The following ARHGAP15 variants were observed in gnomAD, a reference collection of about 807,000 sequenced individuals.
The protein encoded by ARHGAP15 is rho GTPase-activating protein 15.
ARHGAP15 carries 51 observed loss-of-function variants against 63.7 expected under a neutral mutation model. The observed-to-expected ratio is 0.80, with a 90% CI of 0.64 to 1.01. The LOEUF is 1.01. Ranked by LOEUF, ARHGAP15 falls within the 50% of genes least tolerant of loss-of-function variation. The pLI, the probability that ARHGAP15 is intolerant of heterozygous loss-of-function variation, is 0.00. For missense variants in ARHGAP15, 560 were observed against 564.6 expected (o/e 0.99, Z 0.08); for synonymous variants, 191 against 193.8 (o/e 0.99, Z 0.12).
intron 6 of ARHGAP15, among the ~76,000 whole-genome samples, chr2:143,361,706 C>T (rs902144682): frequency 6.6e-6 from 1 of 152,130 alleles, no homozygotes; most frequent in African/African-American, 2.4e-5. Context: ...TCTGCTTCCT[C>T]TTCTTTAGTT....
chr2:143,651,284 A>C (rs1311208021), intron 12 of ARHGAP15, among the ~76,000 whole-genome samples: 5 of 151,908 alleles, frequency 3.3e-5, no homozygotes, highest in African/African-American at 1.2e-4. Flanking sequence ...ACGCCCTTTC[A>C]TAATTTCCTT....
At chr2:143,308,801 C>T (rs550433574) in intron 6 of ARHGAP15, among the ~76,000 whole-genome samples, 2 of 151,748 alleles carry the variant, frequency 1.3e-5, no homozygotes, top group Non-Finnish European at 2.9e-5. Flanking sequence ...TACTTAAATA[C>T]TTTATTTACA....
At chr2:143,134,045 A>G (rs1473867370) in intron 1 of ARHGAP15, among the ~76,000 whole-genome samples, 1 of 152,180 alleles carries the variant, frequency 6.6e-6, no homozygotes, top group Non-Finnish European at 1.5e-5. Flanking sequence ...AAAAAGAGTG[A>G]TGGATGTTTT....
At chr2:143,277,240 A>G (rs1681605156) in intron 6 of ARHGAP15, among the ~76,000 whole-genome samples, 1 of 151,884 alleles carries the variant, frequency 6.6e-6, no homozygotes, top group Non-Finnish European at 1.5e-5. Context: ...TTTATTTTTC[A>G]TTTGTTGCAC....
At chr2:143,262,535 ATTTT>A (rs67267617) in intron 6 of ARHGAP15, among the ~76,000 whole-genome samples, 6 of 90,916 alleles carry the variant, frequency 6.6e-5, no homozygotes, top group South Asian at 4.5e-4. Context: ...TGAACCTTTG[ATTTT>A]TTTTTTTTTT....
rs532832967 is a variant in ARHGAP15, at chr2:143,738,075, C to T, written c.1245-29914C>T. 6.9e-4 allele frequency among the ~76,000 whole-genome samples: 104 copies of T among 151,056 alleles called. 1 individual carries two copies. Among genetic ancestry groups the T allele is most frequent in the Non-Finnish European group, 1.3e-3 (91 of 68,014 alleles). ...ATCCTCAGAATCAGAGCACCACAAA[C>T]CTGAGAAGCATCGGCAGCATATATA... On this transcript the variant is annotated intron_variant, in intron 13 of 13. Transcript: ENST00000295095.
chr2:143,435,445 A>T, intron 6 of ARHGAP15, 156 bp from the exon 7 acceptor site: 1 of 1,250,370 alleles, frequency 8.0e-7, no homozygotes, highest in South Asian at 1.9e-5. Flanking sequence ...GCGGTTCAAA[A>T]TGCTCCCAGT....
At chr2:143,161,607 T>G (rs1229981977) in intron 2 of ARHGAP15, among the ~76,000 whole-genome samples, 1 of 151,944 alleles carries the variant, frequency 6.6e-6, no homozygotes, top group African/African-American at 2.4e-5. Flanking sequence ...TTCTCAAGAC[T>G]GACAGATCAG....
intron 5 of ARHGAP15, among the ~76,000 whole-genome samples, chr2:143,246,020 G>T (rs1259529735): frequency 6.6e-6 from 1 of 152,138 alleles, no homozygotes; most frequent in Non-Finnish European, 1.5e-5. Context: ...ATTATTCTTG[G>T]ACCTGAAAAA....
chr2:143,655,300 C>T (rs1270385233), intron 12 of ARHGAP15, among the ~76,000 whole-genome samples: 1 of 152,002 alleles, frequency 6.6e-6, no homozygotes, highest in East Asian at 1.9e-4. Context: ...AAGTCCATTG[C>T]ATCATTCTTA....
chr2:143,197,538 C>G (rs7355637), intron 2 of ARHGAP15, among the ~76,000 whole-genome samples: 2 of 151,794 alleles, frequency 1.3e-5, no homozygotes, highest in African/African-American at 2.4e-5. Context: ...TAAAAACAAC[C>G]TGAAATATTC....
At chr2:143,446,018 T>G (rs1339081135) in intron 8 of ARHGAP15, among the ~76,000 whole-genome samples, 1 of 151,928 alleles carries the variant, frequency 6.6e-6, no homozygotes, top group Admixed American at 6.6e-5. Context: ...TGTATGAGAT[T>G]GTGTAAGAAA....
chr2:143,435,495 A>G, intron 6 of ARHGAP15, 106 bp from the exon 7 acceptor site: 1 of 1,347,378 alleles, frequency 7.4e-7, no homozygotes, highest in Non-Finnish European at 9.6e-7. Context: ...AAAATATTTC[A>G]TTTTATTAAA....
At chr2:143,663,144 A>T (rs1292235688) in intron 12 of ARHGAP15, among the ~76,000 whole-genome samples, 1 of 118,050 alleles carries the variant, frequency 8.5e-6, no homozygotes, top group East Asian at 2.8e-4. Context: ...TGAAGGAAAA[A>T]ATGTTAAGGG....
intron 6 of ARHGAP15, among the ~76,000 whole-genome samples, chr2:143,407,630 G>A (rs1688257276): frequency 6.6e-6 from 1 of 151,634 alleles, no homozygotes; most frequent in Non-Finnish European, 1.5e-5. Context: ...ACTAATGTTT[G>A]TGTTCACTCT....
chr2:143,357,471 G>A lies in ARHGAP15; in HGVS notation c.475-78130G>A, dbSNP rs145533658. ...TAGGTGGCTAGAAATCTTAATTCTTGAGAACTGAAAAATATTCTTGATTCC... is the reference window on the plus strand; with the variant it reads ...TAGGTGGCTAGAAATCTTAATTCTTAAGAACTGAAAAATATTCTTGATTCC... On this transcript the variant is annotated intron_variant, in intron 6 of 13. Coordinates refer to ENST00000295095, the MANE Select transcript of ARHGAP15 (RefSeq NM_018460.4). Among the ~76,000 whole-genome samples the A allele has an allele frequency of 4.7e-3, 710 of 152,126 alleles. 1 individual carries two copies. The highest frequency in any genetic ancestry group is 0.024 in the Middle Eastern group (7 of 292).
chr2:143,507,770 CT>C (rs1008042166), intron 9 of ARHGAP15, among the ~76,000 whole-genome samples: 1 of 152,302 alleles, frequency 6.6e-6, no homozygotes, highest in Admixed American at 6.5e-5. Context: ...GGAAATATCA[CT>C]GCCATGTGCC....
intron 12 of ARHGAP15, among the ~76,000 whole-genome samples, chr2:143,685,079 AC>A (rs1267553201): frequency 6.6e-6 from 1 of 152,196 alleles, no homozygotes; most frequent in African/African-American, 2.4e-5. Context: ...ACTGCAAGCT[AC>A]CTGTTTCTGT....
intron 10 of ARHGAP15, among the ~76,000 whole-genome samples, chr2:143,551,562 ATTG>A (rs1400711688): frequency 6.6e-6 from 1 of 152,016 alleles, no homozygotes; most frequent in Non-Finnish European, 1.5e-5. Context: ...TGTATTTTTT[ATTG>A]TTTTTTTAAC....
Sources: gnomAD v4.1 joint callset for allele counts (sites outside exome capture counted in the v4.1 genomes callset) on GRCh38, gnomAD v4.1.1 for gene constraint, MANE v1.5 for transcripts, NCBI Gene and HGNC (gene_info 2026-07-23, HGNC 2026-07-21) for gene names.